DAB1: variants seen among roughly 807,000 people sequenced by gnomAD.
DAB1 encodes the protein DAB adaptor protein 1.
DAB1 carries 15 observed loss-of-function variants against 64.6 expected under a neutral mutation model. The observed-to-expected ratio is 0.23, with a 90% CI of 0.16 to 0.36. The LOEUF (loss-of-function observed/expected upper bound fraction) is 0.36, where lower values mean the gene tolerates loss of function less well. Ranked by LOEUF, DAB1 falls within the 10% of genes least tolerant of loss-of-function variation. DAB1 has a pLI of 1.00. For synonymous variants in DAB1, 235 were observed against 251.9 expected (o/e 0.93, Z 0.64); for missense variants, 596 against 706.7 (o/e 0.84, Z 1.78).
At chr1:57,233,255 CTTTTTTTTTTTT>C (rs1186221366) in intron 2 of DAB1, among the ~76,000 whole-genome samples, 1 of 60,810 alleles carries the variant, frequency 1.6e-5, no homozygotes, top group Admixed American at 3.2e-4. Flanking sequence ...TGCTCCGATT[CTTTTTTTTTTTT>C]TTTTTTTTTT....
At chr1:57,145,000 T>G (rs506832) in intron 3 of DAB1, among the ~76,000 whole-genome samples, 53,060 of 152,030 alleles carry the variant, frequency 0.35, 14,690 homozygotes, top group African/African-American at 0.78. Context: ...TGATAATTTT[T>G]TGCTTTTATT....
chr1:58,093,221 T>TG (rs1650781030), intron 5 of DAB1, among the ~76,000 whole-genome samples: 1 of 152,104 alleles, frequency 6.6e-6, no homozygotes, highest in Non-Finnish European at 1.5e-5. Flanking sequence ...CAGCTGGCCA[T>TG]GGGGGCGTAG....
At position 58,236,118 on chromosome 1, in the gene DAB1, C is replaced by T. The variant is rs1660023769; in HGVS notation, n.310-85530G>A. Among the ~76,000 whole-genome samples the T allele has an allele frequency of 2.7e-5, 4 of 146,854 alleles. No individual in the cohort carries two copies. The South Asian group carries it at 9.3e-4, about 34-fold the overall frequency. ...CCCTGCCCGCCCCCCCGCCCCACCC[C>T]GCCCCGCCCCCACTCCTCCTCACCT... is the stretch of plus-strand genomic sequence containing the variant. On this transcript the variant is annotated intron_variant and non_coding_transcript_variant, in intron 4 of 20. Transcript: ENST00000485760.
At chr1:57,727,611 T>G (rs1647235890) in intron 6 of DAB1, among the ~76,000 whole-genome samples, 1 of 152,188 alleles carries the variant, frequency 6.6e-6, no homozygotes, top group Non-Finnish European at 1.5e-5. Context: ...TATTGAGAGA[T>G]AAATCTTGCT....
intron 4 of DAB1, among the ~76,000 whole-genome samples, chr1:58,303,384 T>C (rs1312768207): frequency 6.6e-6 from 1 of 152,168 alleles, no homozygotes; most frequent in Admixed American, 6.5e-5. Context: ...GGGATTGAAT[T>C]CCACCTACTG....
intron 2 of DAB1, among the ~76,000 whole-genome samples, chr1:57,227,519 TTGTG>T (rs57671970): frequency 0.045 from 6,114 of 135,754 alleles, 151 homozygotes; most frequent in Non-Finnish European, 0.053. Flanking sequence ...TTTTTTTCTT[TTGTG>T]TGTGTGTGTG....
In DAB1 at chr1:57,706,618, T is replaced by C. The variant is rs553011916; in HGVS notation, n.552-56953A>G. 2.0e-5 allele frequency among the ~76,000 whole-genome samples: 3 copies of C among 152,224 alleles called. No homozygotes were observed. The South Asian group carries it at 6.2e-4, about 32-fold the overall frequency. On this transcript the variant is annotated intron_variant and non_coding_transcript_variant, in intron 6 of 20. Transcript: ENST00000485760. ...GTGTAAGCTACCATGCCCAGACTAC[T>C]CACATGTTTATCAATATCTTTTCTC...
chr1:58,222,877 T>C (rs766365737), intron 4 of DAB1, among the ~76,000 whole-genome samples: 13 of 152,174 alleles, frequency 8.5e-5, no homozygotes, highest in Non-Finnish European at 1.8e-4. Context: ...GGGTGGGTAT[T>C]ATCCCATTTT....
intron 5 of DAB1, among the ~76,000 whole-genome samples, chr1:58,123,640 C>A (rs1287328412): frequency 1.3e-5 from 2 of 152,108 alleles, no homozygotes; most frequent in Non-Finnish European, 2.9e-5. Context: ...AGTAAAAAGG[C>A]CTGCTTAGGG....
intron 6 of DAB1, among the ~76,000 whole-genome samples, chr1:57,757,480 G>A (rs752781789): frequency 7.9e-5 from 12 of 151,930 alleles, no homozygotes; most frequent in African/African-American, 1.7e-4. Context: ...AGCTTCTGGC[G>A]TTTGCTGCCA....
At chr1:58,218,559 T>C (rs900352738) in intron 4 of DAB1, among the ~76,000 whole-genome samples, 1 of 152,048 alleles carries the variant, frequency 6.6e-6, no homozygotes, top group Admixed American at 6.6e-5. Flanking sequence ...TACATGAGAA[T>C]GTTTGTGTTT....
chr1:57,136,436 A>C (rs757886589), intron 4 of DAB1, 107 bp downstream of exon 4: 1 of 543,106 alleles, frequency 1.8e-6, no homozygotes, highest in Admixed American at 3.5e-5. Flanking sequence ...CAGTTGCTTT[A>C]TGTGTTTTTA....
intron 2 of DAB1, among the ~76,000 whole-genome samples, chr1:57,267,826 A>C (rs1670703275): frequency 6.6e-6 from 1 of 152,106 alleles, no homozygotes; most frequent in African/African-American, 2.4e-5. Context: ...ACCAAACCCC[A>C]ACTTGACAGC....
At chr1:57,732,519 C>T (rs1052451403) in intron 6 of DAB1, among the ~76,000 whole-genome samples, 1 of 152,178 alleles carries the variant, frequency 6.6e-6, no homozygotes, top group Admixed American at 6.5e-5. Context: ...GGAAATAAAT[C>T]CTCAACCCTC....
At chr1:57,269,785 G>C (rs895747330) in intron 2 of DAB1, among the ~76,000 whole-genome samples, 4 of 152,086 alleles carry the variant, frequency 2.6e-5, no homozygotes, top group South Asian at 4.1e-4. Flanking sequence ...ACTGGCAGGT[G>C]GGGGAGAGGA....
At position 58,140,997 on chromosome 1, in the gene DAB1, G is replaced by A. The variant is rs189520788; in HGVS notation, n.387+9514C>T. 1.3e-3 allele frequency among the ~76,000 whole-genome samples: 203 copies of A among 152,238 alleles called. 1 individual carries two copies. The highest frequency in any genetic ancestry group is 4.8e-3 in the African/African-American group (198 of 41,542). ...TAAAGAAAAGAGGTTTAATTGGCTCGTGGTTCTGCAGGCTATACAGGAAGC... is the reference window on the plus strand; with the variant it reads ...TAAAGAAAAGAGGTTTAATTGGCTCATGGTTCTGCAGGCTATACAGGAAGC... On this transcript the variant is annotated intron_variant and non_coding_transcript_variant, in intron 5 of 20. Transcript: ENST00000485760.
At chr1:58,532,079 T>C (rs1646442859) in intron 1 of DAB1, among the ~76,000 whole-genome samples, 1 of 152,208 alleles carries the variant, frequency 6.6e-6, no homozygotes, top group African/African-American at 2.4e-5. Context: ...AGAAAGCCCT[T>C]GTTATTAAAG....
intron 6 of DAB1, among the ~76,000 whole-genome samples, chr1:57,817,284 T>C (rs1426577117): frequency 1.3e-5 from 2 of 152,320 alleles, no homozygotes; most frequent in East Asian, 1.9e-4. Context: ...ATCCAAAGCA[T>C]TGGTAATGTG....
upstream of DAB1, among the ~76,000 whole-genome samples, chr1:57,426,723 T>G (rs1029940534): frequency 6.6e-6 from 1 of 152,196 alleles, no homozygotes; most frequent in Non-Finnish European, 1.5e-5. Flanking sequence ...TTGTACTGGA[T>G]AGAGTATAGA....
Sources: gnomAD v4.1 joint callset for allele counts (sites outside exome capture counted in the v4.1 genomes callset) on GRCh38, gnomAD v4.1.1 for gene constraint, MANE v1.5 for transcripts, NCBI Gene and HGNC (gene_info 2026-07-23, HGNC 2026-07-21) for gene names.